The following VTA1 variants were observed in gnomAD, a reference collection of about 807,000 sequenced individuals.
The protein encoded by VTA1 is vacuolar protein sorting-associated protein VTA1 homolog.
In VTA1, 24 loss-of-function variants were observed where a neutral mutation model predicts 36.9. The observed-to-expected ratio is 0.65, with a 90% CI of 0.47 to 0.91. The LOEUF (loss-of-function observed/expected upper bound fraction) is 0.91, where lower values mean the gene tolerates loss of function less well. Among genes scored for constraint, VTA1 ranks in the 40% least tolerant of loss-of-function variants. The pLI is 0.00. For missense variants in VTA1, 393 were observed against 377.2 expected (o/e 1.04, Z -0.35); for synonymous variants, 142 against 130.2 (o/e 1.09, Z -0.62).
intron 5 of VTA1, among the ~76,000 whole-genome samples, chr6:142,198,122 T>G (rs1775600285): frequency 4.7e-5 from 2 of 42,792 alleles, no homozygotes; most frequent in Non-Finnish European, 6.9e-5. Context: ...TATATATATG[T>G]GTGTGTGTGT....
In VTA1 at chr6:142,192,702, TTGTGTG is replaced by T. The variant is rs35330800; in HGVS notation, c.520+3190_520+3195del. Among the ~76,000 whole-genome samples, 615 of 149,218 alleles carry T rather than the reference TTGTGTG, an allele frequency of 4.1e-3. 2 individuals carry two copies. Among genetic ancestry groups the T allele is most frequent in the African/African-American group, 8.7e-3 (356 of 40,864 alleles). ...AAGGACATGAGGTTATTTTATATAT[TTGTGTG>T]TGTGTGTGTGTGTGTGTGTGTAAAA... On this transcript the variant is annotated intron_variant, in intron 5 of 7. Coordinates refer to ENST00000367630, the MANE Select transcript of VTA1 (RefSeq NM_016485.5).
chr6:142,166,398 C>A, intron 2 of VTA1, 76 bp downstream of exon 2: 2 of 1,066,438 alleles, frequency 1.9e-6, no homozygotes, highest in South Asian at 3.2e-5. Flanking sequence ...TCTGTGTTGT[C>A]ATTTTAGTTC....
rs192648419 is a variant in VTA1 at position 142,151,929 on chromosome 6, G to A, written c.112+4530G>A. Among the ~76,000 whole-genome samples, 44 of 152,346 alleles carry A rather than the reference G, an allele frequency of 2.9e-4. No homozygotes were observed. The East Asian group carries it at 4.8e-3, about 17-fold the overall frequency. On this transcript the variant is annotated intron_variant, in intron 1 of 7. Coordinates refer to ENST00000367630, the MANE Select transcript of VTA1 (RefSeq NM_016485.5). The stretch of plus-strand genomic sequence containing the variant: ...GGTGCCTGTAATCCCAGCTACTGGG[G>A]AGGCTGAGGCAGGAGAATTGCTTGA...
chr6:142,207,181 G>T (rs753049142), intron 7 of VTA1, among the ~76,000 whole-genome samples: 1 of 152,080 alleles, frequency 6.6e-6, no homozygotes, highest in Non-Finnish European at 1.5e-5. Flanking sequence ...CTTTCATGAT[G>T]CTTCTGCCCT....
At chr6:142,158,636 A>G (rs1324877098) in intron 1 of VTA1, among the ~76,000 whole-genome samples, 1 of 152,182 alleles carries the variant, frequency 6.6e-6, no homozygotes, top group Non-Finnish European at 1.5e-5. Context: ...TAATTAATGT[A>G]ATGAGTATGT....
chr6:142,206,905 A>G (rs960721022), intron 7 of VTA1, among the ~76,000 whole-genome samples: 1 of 152,192 alleles, frequency 6.6e-6, no homozygotes, highest in Non-Finnish European at 1.5e-5. Context: ...AAAAAAGTGA[A>G]TCTAGACACA....
intron 1 of VTA1, among the ~76,000 whole-genome samples, chr6:142,152,040 A>G (rs966388722): frequency 6.6e-6 from 1 of 152,222 alleles, no homozygotes; most frequent in Non-Finnish European, 1.5e-5. Context: ...TCTCAAAAAA[A>G]TAATAAGAAA....
chr6:142,198,830 T>C, intron 6 of VTA1: 1 of 409,338 alleles, frequency 2.4e-6, no homozygotes, highest in East Asian at 4.0e-5. Flanking sequence ...TTATGTGCAT[T>C]GATTACTCTT....
intron 4 of VTA1, among the ~76,000 whole-genome samples, chr6:142,181,104 T>C (rs1470893829): frequency 6.4e-5 from 7 of 109,812 alleles, no homozygotes; most frequent in Non-Finnish European, 1.4e-4. Flanking sequence ...AATATATATA[T>C]ATATATATAT....
intron 6 of VTA1, among the ~76,000 whole-genome samples, chr6:142,199,165 A>T (rs1296852999): frequency 1.3e-5 from 2 of 152,118 alleles, no homozygotes; most frequent in Non-Finnish European, 2.9e-5. Flanking sequence ...TTACACTTTA[A>T]AAAACTAACA....
At chr6:142,197,890 C>T (rs1164647595) in intron 5 of VTA1, among the ~76,000 whole-genome samples, 28 of 147,158 alleles carry the variant, frequency 1.9e-4, no homozygotes, top group Admixed American at 1.2e-3. Flanking sequence ...CTGGCTAACA[C>T]GGTGAAACCC....
rs764938145 is a variant in VTA1, at chr6:142,170,426, G to A, written c.411+5G>A. The A allele has an allele frequency of 3.2e-6, 5 of 1,571,612 alleles. No individual in the cohort carries two copies. Among genetic ancestry groups the A allele is most frequent in the Non-Finnish European group, 2.6e-6 (3 of 1,152,236 alleles). On this transcript the variant is annotated splice_donor_5th_base_variant and intron_variant, in intron 4 of 7. Transcript: ENST00000367630. ...TTTGGAGAACTCACTGATGAAGTGA[G>A]TGTACATTCTTTATTGTCTTATTAG...
rs181271069 is a variant in VTA1, at chr6:142,189,142, G to T, written c.412-284G>T. Among the ~76,000 whole-genome samples the T allele has an allele frequency of 7.8e-4, 118 of 152,144 alleles. 1 individual carries two copies. Among genetic ancestry groups the T allele is most frequent in the Admixed American group, 2.0e-3 (31 of 15,280 alleles). On this transcript the variant is annotated intron_variant, in intron 4 of 7. Coordinates refer to ENST00000367630, the MANE Select transcript of VTA1 (RefSeq NM_016485.5). ...CCTGTGCAGAAGAGTTGCAAATTTTGCTGGAAGGACACTCCTGTTTTTCCG... is the reference window on the plus strand; with the variant it reads ...CCTGTGCAGAAGAGTTGCAAATTTTTCTGGAAGGACACTCCTGTTTTTCCG...
chr6:142,147,766 A>G (rs1373492209), intron 1 of VTA1, among the ~76,000 whole-genome samples: 3 of 152,248 alleles, frequency 2.0e-5, no homozygotes, highest in Admixed American at 1.3e-4. Flanking sequence ...TGTCCGAAAG[A>G]AGGAGTGATG....
At chr6:142,212,980 A>C (rs1225668622) in intron 7 of VTA1, among the ~76,000 whole-genome samples, 1 of 152,180 alleles carries the variant, frequency 6.6e-6, no homozygotes, top group Admixed American at 6.5e-5. Context: ...TGTCCTTCTC[A>C]TATTCCAAAA....
chr6:142,216,933 A>G (rs879650431), intron 7 of VTA1, among the ~76,000 whole-genome samples: 2 of 152,218 alleles, frequency 1.3e-5, no homozygotes, highest in Non-Finnish European at 2.9e-5. Context: ...AGGTAAACTC[A>G]ATTTTCAAAG....
chr6:142,214,506 G>C (rs1638967511), intron 7 of VTA1, among the ~76,000 whole-genome samples: 1 of 152,040 alleles, frequency 6.6e-6, no homozygotes, highest in Admixed American at 6.6e-5. Context: ...ACAGCAAGGG[G>C]GACATCCATC....
chr6:142,214,660 C>G (rs1291342607), intron 7 of VTA1, among the ~76,000 whole-genome samples: 1 of 152,120 alleles, frequency 6.6e-6, no homozygotes, highest in East Asian at 1.9e-4. Context: ...TGCACAACGT[C>G]AAGAGTAAAC....
chr6:142,183,251 A>G (rs1427649080), intron 4 of VTA1, among the ~76,000 whole-genome samples: 4 of 152,240 alleles, frequency 2.6e-5, no homozygotes, highest in East Asian at 3.8e-4. Flanking sequence ...GATGGGTTCA[A>G]TATAAAATCA....
Sources: gnomAD v4.1 joint callset for allele counts (sites outside exome capture counted in the v4.1 genomes callset) on GRCh38, gnomAD v4.1.1 for gene constraint, MANE v1.5 for transcripts, NCBI Gene and HGNC (gene_info 2026-07-23, HGNC 2026-07-21) for gene names.